PCDH11X: variants seen among roughly 807,000 people sequenced by gnomAD.
The protein encoded by PCDH11X is protocadherin 11 X-linked.
A neutral mutation model predicts 53.3 loss-of-function variants in PCDH11X; 18 were observed. That is an observed-to-expected ratio of 0.34 (90% confidence interval 0.23 to 0.50). The LOEUF (loss-of-function observed/expected upper bound fraction) is 0.50. Ranked by LOEUF, PCDH11X falls within the 20% of genes least tolerant of loss-of-function variation. The probability of loss-of-function intolerance (pLI) is 0.98; values close to 1 mark genes in which losing one functional copy is unlikely to be tolerated. For missense variants in PCDH11X, 570 were observed against 1,032.4 expected (o/e 0.55, Z 6.14); for synonymous variants, 279 against 393.3 (o/e 0.71, Z 3.44).
chrX:91,845,679 T>C (rs1196352605), intron 5 of PCDH11X, among the ~76,000 whole-genome samples: 1 of 111,594 alleles, frequency 9.0e-6, no homozygotes, highest in East Asian at 2.8e-4. Flanking sequence ...CATCTGCAGC[T>C]TTTAAGATTC....
intron 6 of PCDH11X, among the ~76,000 whole-genome samples, chrX:92,015,733 A>G (rs1319996870): frequency 8.9e-6 from 1 of 111,932 alleles, no homozygotes; most frequent in Non-Finnish European, 1.9e-5. Flanking sequence ...GCTTCCTTCA[A>G]TGAAGTCTTG....
chrX:92,193,220 A>T (rs2066230884), intron 6 of PCDH11X, among the ~76,000 whole-genome samples: 2 of 111,914 alleles, frequency 1.8e-5, no homozygotes, highest in African/African-American at 6.5e-5. Context: ...ACATTATTTT[A>T]TGTGTTTGTG....
At chrX:92,148,012 T>TTTCC (rs749321135) in intron 6 of PCDH11X, among the ~76,000 whole-genome samples, 1 of 85,138 alleles carries the variant, frequency 1.2e-5, no homozygotes, top group Non-Finnish European at 2.2e-5. Context: ...TTTCTTTTTC[T>TTTCC]TTCCTTCCTT....
intron 7 of PCDH11X, among the ~76,000 whole-genome samples, chrX:92,219,418 C>T (rs924595062): frequency 5.4e-5 from 6 of 110,501 alleles, no homozygotes; most frequent in African/African-American, 2.0e-4. Flanking sequence ...CAAACAGAGA[C>T]CCAGATCATA....
intron 8 of PCDH11X, among the ~76,000 whole-genome samples, chrX:92,355,296 G>A (rs752817574): frequency 1.7e-5 from 1 of 58,990 alleles, no homozygotes; most frequent in Non-Finnish European, 2.9e-5. Flanking sequence ...GCGTAGTGGC[G>A]GGCGCCTGTA....
intron 10 of PCDH11X, among the ~76,000 whole-genome samples, chrX:92,495,477 T>C (rs2073844987): frequency 9.1e-6 from 1 of 109,561 alleles, no homozygotes; most frequent in Non-Finnish European, 1.9e-5. Flanking sequence ...CTATACCCTA[T>C]ATGGACTGCT....
chrX:92,167,140 C>T (rs1376511996), intron 6 of PCDH11X, among the ~76,000 whole-genome samples: 1 of 109,925 alleles, frequency 9.1e-6, no homozygotes, highest in African/African-American at 3.3e-5. Flanking sequence ...CTTCCTTTTC[C>T]TCACTGAATA....
chrX:91,865,933 G>C (rs969194005), intron 5 of PCDH11X, among the ~76,000 whole-genome samples: 1 of 109,972 alleles, frequency 9.1e-6, no homozygotes, highest in Non-Finnish European at 1.9e-5. Flanking sequence ...GTCCAGAAAT[G>C]CTACCCAAGG....
At chrX:92,019,229 C>A (rs1257734765) in intron 6 of PCDH11X, among the ~76,000 whole-genome samples, 1 of 108,815 alleles carries the variant, frequency 9.2e-6, no homozygotes, top group Non-Finnish European at 1.9e-5. Context: ...AAGGAGTAAC[C>A]TGCTTTTGTC....
chrX:92,489,160 T>TG (rs2073706252), intron 10 of PCDH11X, among the ~76,000 whole-genome samples: 1 of 109,974 alleles, frequency 9.1e-6, no homozygotes, highest in African/African-American at 3.3e-5. Flanking sequence ...CACAATAGAA[T>TG]GGCATTTTTT....
intron 6 of PCDH11X, among the ~76,000 whole-genome samples, chrX:92,080,461 C>A (rs1165309061): frequency 9.0e-6 from 1 of 111,174 alleles, no homozygotes; most frequent in Non-Finnish European, 1.9e-5. Flanking sequence ...GAGAACAATA[C>A]CTTAGCTAAA....
intron 6 of PCDH11X, among the ~76,000 whole-genome samples, chrX:91,945,048 C>CATATATATATATAT (rs754168068): frequency 0.012 from 727 of 62,993 alleles, 40 homozygotes; most frequent in African/African-American, 0.019. Flanking sequence ...ACATCATATA[C>CATATATATATATAT]ATATATATAT....
intron 8 of PCDH11X, among the ~76,000 whole-genome samples, chrX:92,312,856 G>C (rs1239754833): frequency 9.0e-6 from 1 of 110,997 alleles, no homozygotes; most frequent in African/African-American, 3.3e-5. Flanking sequence ...AATTAACCAG[G>C]ATACACGGAA....
At chrX:91,968,160 T>C (rs1297974535) in intron 6 of PCDH11X, among the ~76,000 whole-genome samples, 2 of 112,105 alleles carry the variant, frequency 1.8e-5, no homozygotes, top group African/African-American at 6.5e-5. Flanking sequence ...TTCACACTTA[T>C]TTTTTAAAAT....
At chrX:92,439,113 A>C (rs1331388064) in intron 9 of PCDH11X, among the ~76,000 whole-genome samples, 2 of 108,522 alleles carry the variant, frequency 1.8e-5, no homozygotes, top group Non-Finnish European at 3.8e-5. Flanking sequence ...TAAATATGTA[A>C]CCCAGAATTC....
chrX:92,326,294 G>T (rs1025007465), intron 8 of PCDH11X, among the ~76,000 whole-genome samples: 2 of 108,964 alleles, frequency 1.8e-5, no homozygotes, highest in Admixed American at 2.0e-4. Flanking sequence ...TTACAGGGAG[G>T]CTGAAAGATC....
chrX:92,440,780 T>A (rs2072495526), intron 9 of PCDH11X, among the ~76,000 whole-genome samples: 1 of 108,850 alleles, frequency 9.2e-6, no homozygotes, highest in East Asian at 2.9e-4. Flanking sequence ...ACCAGTAGAG[T>A]GGGGTGCTGC....
At position 92,333,755 on chromosome X, in the gene PCDH11X, T is replaced by G. The variant is rs1376974974; in HGVS notation, c.3145-53980T>G. The stretch of plus-strand genomic sequence containing the variant: ...TAGCATATATAAATCATCTATGATA[T>G]TTTTGGAAAGTAAAGTTCAATTAAG... On this transcript the variant is annotated intron_variant, in intron 8 of 10. Coordinates refer to ENST00000682573, the MANE Select transcript of PCDH11X (RefSeq NM_032968.5). Among the ~76,000 whole-genome samples, 4 of 110,116 alleles carry G rather than the reference T, an allele frequency of 3.6e-5. No homozygotes were observed. The Admixed American group carries it at 3.9e-4, about 11-fold the overall frequency.
chrX:91,882,998 T>C (rs182541069), intron 6 of PCDH11X: 38,276 of 1,149,521 alleles, frequency 0.033, 551 homozygotes, highest in Non-Finnish European at 0.039. Flanking sequence ...AAAATTTCAA[T>C]GATTGTGATT....
Sources: allele counts gnomAD v4.1 joint callset (sites outside exome capture counted in the v4.1 genomes callset), GRCh38; gene constraint gnomAD v4.1.1; transcripts MANE v1.5; gene names NCBI Gene and HGNC (gene_info 2026-07-23, HGNC 2026-07-21).